The following FAM78A variants were observed in gnomAD, a reference collection of about 807,000 sequenced individuals.
FAM78A encodes protein FAM78A.
FAM78A carries 12 observed loss-of-function variants against 22.6 expected under a neutral mutation model. The observed-to-expected ratio is 0.53, with a 90% CI of 0.34 to 0.86. FAM78A has a LOEUF of 0.86. FAM78A is among the 40% of genes least tolerant of loss of function. FAM78A has a pLI of 0.02. For synonymous variants in FAM78A, 151 were observed against 155.8 expected (o/e 0.97, Z 0.23); for missense variants, 322 against 396.1 (o/e 0.81, Z 1.59).
chr9:131,268,987 G>A (rs113301542), intron 1 of FAM78A, among the ~76,000 whole-genome samples: 3 of 151,260 alleles, frequency 2.0e-5, no homozygotes, highest in African/African-American at 7.3e-5. Flanking sequence ...ATTGCTTGAG[G>A]TCAGTTCAAA....
At position 131,261,467 on chromosome 9, in the gene FAM78A, C is replaced by CCCGGT. The variant is rs1205142254; in HGVS notation, c.324-122_324-118dup. The CCCGGT allele has an allele frequency of 1.9e-4, 190 of 975,456 alleles. No individual in the cohort carries two copies. Among genetic ancestry groups the CCCGGT allele is most frequent in the Middle Eastern group, 1.9e-3 (6 of 3,236 alleles). 60.4% of individuals were successfully genotyped at this position (975,456 alleles called of 1,614,324 possible). On this transcript the variant is annotated intron_variant, in intron 1 of 1. Coordinates refer to ENST00000372271, the MANE Select transcript of FAM78A (RefSeq NM_033387.4). The surrounding 1 kb of genome is among the most constrained non-coding windows in gnomAD (Gnocchi z 7.1). ...AGGATGGAACGGACCCAGCAGACCACCCGGTCCCCTTTGACGTTCTGGGGG... is the reference window on the plus strand; with the variant it reads ...AGGATGGAACGGACCCAGCAGACCACCCGGTCCGGTCCCCTTTGACGTTCTGGGGG...
In FAM78A at chr9:131,261,453, G is replaced by C. The variant is rs1305362981; in HGVS notation, c.324-103C>G. 2.7e-6 allele frequency: 3 copies of C among 1,102,744 alleles called. No individual in the cohort carries two copies. The Admixed American group carries it at 8.8e-5, about 32-fold the overall frequency. The allele number at this position is 1,102,744 out of a possible 1,614,324, so 68.3% of individuals were successfully genotyped here. On this transcript the variant is annotated intron_variant, in intron 1 of 1. Transcript: ENST00000372271. This position sits in a 1 kb window ranked among gnomAD's most constrained non-coding sequence, Gnocchi z 7.1. Reference sequence around the variant, plus strand: ...TGTCCTGGGCCCTGAGGATGGAACGGACCCAGCAGACCACCCGGTCCCCTT... The same window carrying C: ...TGTCCTGGGCCCTGAGGATGGAACGCACCCAGCAGACCACCCGGTCCCCTT...
At position 131,260,785 on chromosome 9, in the gene FAM78A, T is replaced by C. The variant is rs1413916517; in HGVS notation, c.*37A>G. ...CTGAGTTTTGTTTTCAGCGGTATTA[T>C]TATTTGTGAGTCTAACCTAGCGGGT... On this transcript the variant is annotated 3_prime_UTR_variant, in exon 2 of 2. Coordinates refer to ENST00000372271, the MANE Select transcript of FAM78A (RefSeq NM_033387.4). This position sits in a 1 kb window ranked among gnomAD's most constrained non-coding sequence, Gnocchi z 5.4. 12 of 1,506,276 alleles carry C rather than the reference T, an allele frequency of 8.0e-6. No individual in the cohort carries two copies. The South Asian group carries it at 1.5e-4, about 19-fold the overall frequency. The allele number at this position is 1,506,276 out of a possible 1,614,324, so 93.3% of individuals were successfully genotyped here. A position where few individuals can be genotyped will look rare whatever the true frequency, so the allele number is the denominator to read the frequency against.
At position 131,276,495 on chromosome 9, in the gene FAM78A, C is replaced by A; in HGVS notation, c.-316G>T. On this transcript the variant is annotated 5_prime_UTR_variant, in exon 1 of 2. In the 5' UTR this introduces an upstream ATG that the reference lacks. Coordinates refer to ENST00000372271, the MANE Select transcript of FAM78A (RefSeq NM_033387.4). The surrounding 1 kb of genome is among the most constrained non-coding windows in gnomAD (Gnocchi z 4.3). ...GGGGACGGCAGCTCGCAGACTCTCC[C>A]TGAAGTCTTCGGAGGAAGCAGGCGA... 4.7e-6 allele frequency: 1 copy of A among 213,428 alleles called. No individual in the cohort carries two copies. Among genetic ancestry groups the A allele is most frequent in the Non-Finnish European group, 9.3e-6 (1 of 107,490 alleles). The allele number at this position is 213,428 out of a possible 1,614,324, so 13.2% of individuals were successfully genotyped here. A position where few individuals can be genotyped will look rare whatever the true frequency, so the allele number is the denominator to read the frequency against.
rs1028439104 is a variant in FAM78A at position 131,274,125 on chromosome 9, T to C, written c.323+1732A>G. ...TCTTAGACAAGACATCGGAAGCCCATGTGCACAGATGGGGAAGCTGAGGCT... is the reference window on the plus strand; with the variant it reads ...TCTTAGACAAGACATCGGAAGCCCACGTGCACAGATGGGGAAGCTGAGGCT... On this transcript the variant is annotated intron_variant, in intron 1 of 1. Coordinates refer to ENST00000372271, the MANE Select transcript of FAM78A (RefSeq NM_033387.4). This position sits in a 1 kb window ranked among gnomAD's most constrained non-coding sequence, Gnocchi z 4.2. 1.3e-5 allele frequency among the ~76,000 whole-genome samples: 2 copies of C among 152,256 alleles called. No homozygotes were observed. The highest frequency in any genetic ancestry group is 4.8e-5 in the African/African-American group (2 of 41,464).
At chr9:131,270,809 G>A (rs1054880809) in intron 1 of FAM78A, among the ~76,000 whole-genome samples, 5 of 152,144 alleles carry the variant, frequency 3.3e-5, no homozygotes, top group Non-Finnish European at 7.3e-5. Context: ...GAGCAACACT[G>A]CTCTGGCAAC....
intron 1 of FAM78A, among the ~76,000 whole-genome samples, chr9:131,273,561 T>G (rs1449456376): frequency 2.0e-5 from 3 of 152,196 alleles, no homozygotes; most frequent in Non-Finnish European, 4.4e-5. Context: ...TCTTCATGCC[T>G]TACACTGCTT....
rs1474409466 is a variant in FAM78A, at chr9:131,265,071, T to G, written c.324-3721A>C. Among the ~76,000 whole-genome samples, 2 of 152,126 alleles carry G rather than the reference T, an allele frequency of 1.3e-5. No individual in the cohort carries two copies. The highest frequency in any genetic ancestry group is 2.9e-5 in the Non-Finnish European group (2 of 68,016). On this transcript the variant is annotated intron_variant, in intron 1 of 1. Transcript: ENST00000372271. The surrounding 1 kb of genome is among the most constrained non-coding windows in gnomAD (Gnocchi z 4.3). Reference sequence around the variant, plus strand: ...TTTCTCTTCTCTATTAAATTTCTATTGAGTTTTTTAGTGCTTTTTGTCCAC... The same window carrying G: ...TTTCTCTTCTCTATTAAATTTCTATGGAGTTTTTTAGTGCTTTTTGTCCAC...
intron 1 of FAM78A, among the ~76,000 whole-genome samples, chr9:131,268,697 G>A (rs1010909221): frequency 2.6e-5 from 4 of 151,840 alleles, no homozygotes; most frequent in African/African-American, 9.7e-5. Flanking sequence ...TCAGGAGATC[G>A]AGACAGAGAC....
intron 1 of FAM78A, among the ~76,000 whole-genome samples, chr9:131,273,677 G>A (rs561037572): frequency 6.6e-6 from 1 of 152,334 alleles, no homozygotes; most frequent in East Asian, 1.9e-4. Context: ...TAATTCTGTA[G>A]TTTTAGCCAC....
At position 131,265,133 on chromosome 9, in the gene FAM78A, T is replaced by C. The variant is rs992303829; in HGVS notation, c.324-3783A>G. Among the ~76,000 whole-genome samples the C allele has an allele frequency of 1.4e-4, 21 of 152,376 alleles. No homozygotes were observed. The highest frequency in any genetic ancestry group is 3.4e-3 in the Middle Eastern group (1 of 294). ...TTACAGATTTTATTGGTATTTTTCT[T>C]CTGTTTCTTCTTGGTACTTATTGGG... On this transcript the variant is annotated intron_variant, in intron 1 of 1. Coordinates refer to ENST00000372271, the MANE Select transcript of FAM78A (RefSeq NM_033387.4). This position sits in a 1 kb window ranked among gnomAD's most constrained non-coding sequence, Gnocchi z 4.3.
rs1042954233 is a variant in FAM78A, at chr9:131,265,730, A to G, written c.324-4380T>C. Reference sequence around the variant, plus strand: ...CAATGCTGAGACGGCAGAGCCTTGAACCACGCTCAGGGCCCTTCTGAGTGC... The same window carrying G: ...CAATGCTGAGACGGCAGAGCCTTGAGCCACGCTCAGGGCCCTTCTGAGTGC... On this transcript the variant is annotated intron_variant, in intron 1 of 1. Transcript: ENST00000372271. The surrounding 1 kb of genome is among the most constrained non-coding windows in gnomAD (Gnocchi z 4.3). Among the ~76,000 whole-genome samples the G allele has an allele frequency of 6.6e-6, 1 of 152,062 alleles. No homozygotes were observed. The highest frequency in any genetic ancestry group is 2.4e-5 in the African/African-American group (1 of 41,390).
intron 1 of FAM78A, among the ~76,000 whole-genome samples, chr9:131,268,764 G>T (rs1835378680): frequency 6.6e-6 from 1 of 152,028 alleles, no homozygotes; most frequent in African/African-American, 2.4e-5. Flanking sequence ...ATGGTGGCAG[G>T]TGCCTGTAGT....
rs1835252083 is a variant in FAM78A, at chr9:131,260,734, T to C, written c.*88A>G. The C allele has an allele frequency of 6.9e-7, 1 of 1,459,158 alleles. No homozygotes were observed. Among genetic ancestry groups the C allele is most frequent in the Non-Finnish European group, 9.1e-7 (1 of 1,099,082 alleles). 90.4% of individuals were successfully genotyped at this position (1,459,158 alleles called of 1,614,324 possible). ...CGCTGGAGAGGGTAGAATGGTTGTATCTTGCTGAATGACTGAAGAGTGAGT... is the reference window on the plus strand; with the variant it reads ...CGCTGGAGAGGGTAGAATGGTTGTACCTTGCTGAATGACTGAAGAGTGAGT... On this transcript the variant is annotated 3_prime_UTR_variant, in exon 2 of 2. Transcript: ENST00000372271. The surrounding 1 kb of genome is among the most constrained non-coding windows in gnomAD (Gnocchi z 5.4).
chr9:131,274,830 G>A lies in FAM78A; in HGVS notation c.323+1027C>T, dbSNP rs58715216. On this transcript the variant is annotated intron_variant, in intron 1 of 1. Coordinates refer to ENST00000372271, the MANE Select transcript of FAM78A (RefSeq NM_033387.4). This position sits in a 1 kb window ranked among gnomAD's most constrained non-coding sequence, Gnocchi z 4.2. ...TGAGAGAGGCTCTGGGAGTGTCAGC[G>A]GCCAGTCACGGGGCCACAGGGTAGA... 4.1e-3 allele frequency among the ~76,000 whole-genome samples: 615 copies of A among 151,838 alleles called. 2 individuals are homozygous for A. Among genetic ancestry groups the A allele is most frequent in the African/African-American group, 0.014 (582 of 41,514 alleles).
chr9:131,263,724 A>C (rs1189416856), intron 1 of FAM78A: 1 of 152,932 alleles, frequency 6.5e-6, no homozygotes, highest in Admixed American at 6.5e-5. Flanking sequence ...ACAGTTAGCA[A>C]AATTGGGGCC....
In FAM78A at chr9:131,265,054, CTCTATTAAATT is replaced by C. The variant is rs1835327654; in HGVS notation, c.324-3715_324-3705del. 6.6e-6 allele frequency among the ~76,000 whole-genome samples: 1 copy of C among 152,000 alleles called. No homozygotes were observed. On this transcript the variant is annotated intron_variant, in intron 1 of 1. Coordinates refer to ENST00000372271, the MANE Select transcript of FAM78A (RefSeq NM_033387.4). This position sits in a 1 kb window ranked among gnomAD's most constrained non-coding sequence, Gnocchi z 4.3. The stretch of plus-strand genomic sequence containing the variant: ...ATTTTTATATGAACTTGTTTCTCTT[CTCTATTAAATT>C]TCTATTGAGTTTTTTAGTGCTTTTT...
At chr9:131,267,686 A>G (rs1835361314) in intron 1 of FAM78A, among the ~76,000 whole-genome samples, 1 of 152,226 alleles carries the variant, frequency 6.6e-6, no homozygotes, top group Non-Finnish European at 1.5e-5. Flanking sequence ...ATTTACTCAA[A>G]TATTATCCCA....
chr9:131,267,956 G>A (rs1035298734), intron 1 of FAM78A, among the ~76,000 whole-genome samples: 10 of 151,580 alleles, frequency 6.6e-5, no homozygotes, highest in African/African-American at 2.4e-4. Flanking sequence ...GGAGGTTGAG[G>A]CAGGAGAATG....
Sources: allele counts gnomAD v4.1 joint callset (sites outside exome capture counted in the v4.1 genomes callset), GRCh38; gene constraint gnomAD v4.1.1; non-coding constraint Gnocchi (gnomAD v3.1); transcripts MANE v1.5; gene names NCBI Gene and HGNC (gene_info 2026-07-23, HGNC 2026-07-21).